The following ATRN variants were observed in gnomAD, a reference collection of about 807,000 sequenced individuals.
The protein encoded by ATRN is attractin-2.
In ATRN, 54 loss-of-function variants were observed where a neutral mutation model predicts 178.7. The observed-to-expected ratio is 0.30, with a 90% CI of 0.24 to 0.38. The LOEUF (loss-of-function observed/expected upper bound fraction) is 0.38. ATRN is among the 10% of genes least tolerant of loss of function. ATRN has a pLI of 1.00. For synonymous variants in ATRN, 636 were observed against 663.0 expected (o/e 0.96, Z 0.63); for missense variants, 1,443 against 1,815.1 (o/e 0.79, Z 3.73).
At chr20:3,497,388 C>T (rs1195412910) in intron 1 of ATRN, among the ~76,000 whole-genome samples, 14 of 152,058 alleles carry the variant, frequency 9.2e-5, no homozygotes, top group Admixed American at 7.9e-4. Context: ...ATTTGCTTGT[C>T]TGTGAAGGAT....
At chr20:3,543,109 A>C (rs2853224) in intron 3 of ATRN, among the ~76,000 whole-genome samples, 78,533 of 151,868 alleles carry the variant, frequency 0.52, 20,733 homozygotes, top group South Asian at 0.67. Context: ...CCTTCCTTTC[A>C]CCCTTTCTAA....
At chr20:3,553,160 C>G (rs2085813262) in intron 6 of ATRN, among the ~76,000 whole-genome samples, 1 of 151,990 alleles carries the variant, frequency 6.6e-6, no homozygotes, top group Admixed American at 6.6e-5. Context: ...GTGCTGCCAC[C>G]ATGAGAAGAG....
intron 3 of ATRN, among the ~76,000 whole-genome samples, chr20:3,542,473 GTT>G (rs35448704): frequency 5.3e-4 from 76 of 143,464 alleles, no homozygotes; most frequent in African/African-American, 1.5e-3. Context: ...TCCTTTTAGA[GTT>G]TTTTTTTTTT....
chr20:3,606,951 C>A (rs562044680), intron 24 of ATRN, among the ~76,000 whole-genome samples: 6 of 152,170 alleles, frequency 3.9e-5, no homozygotes, highest in Non-Finnish European at 7.3e-5. Flanking sequence ...CCTGTAAAAT[C>A]ATTTGATCCT....
intron 6 of ATRN, among the ~76,000 whole-genome samples, chr20:3,553,240 A>G (rs2085814595): frequency 1.3e-5 from 2 of 152,122 alleles, no homozygotes; most frequent in South Asian, 2.1e-4. Flanking sequence ...AAAGACACAT[A>G]TTTACCATTA....
intron 1 of ATRN, among the ~76,000 whole-genome samples, chr20:3,492,607 TATATC>T (rs896610147): frequency 5.3e-5 from 8 of 152,108 alleles, no homozygotes; most frequent in African/African-American, 1.9e-4. Flanking sequence ...TGATGGCAGT[TATATC>T]ATAAATTGTT....
At chr20:3,601,128 A>T (rs896952121) in intron 23 of ATRN, 104 bp downstream of exon 23, 1 of 996,222 alleles carries the variant, frequency 1.0e-6, no homozygotes, top group East Asian at 2.5e-5. Flanking sequence ...TTGGTTTGAA[A>T]CCCACCCTTG....
chr20:3,645,928 T>C lies in ATRN; in HGVS notation c.4166-795T>C, dbSNP rs1367631525. ...TAATGGATGTCAGATTACTCCGTTATCAATACAGGAAGGAAAATGGGATTG... is the reference window on the plus strand; with the variant it reads ...TAATGGATGTCAGATTACTCCGTTACCAATACAGGAAGGAAAATGGGATTG... On this transcript the variant is annotated intron_variant, in intron 28 of 28. Coordinates refer to ENST00000262919, the MANE Select transcript of ATRN (RefSeq NM_139321.3). This position sits in a 1 kb window ranked among gnomAD's most constrained non-coding sequence, Gnocchi z 4.7. 6.6e-6 allele frequency among the ~76,000 whole-genome samples: 1 copy of C among 152,110 alleles called. No individual in the cohort carries two copies. The highest frequency in any genetic ancestry group is 2.4e-5 in the African/African-American group (1 of 41,400).
intron 1 of ATRN, among the ~76,000 whole-genome samples, chr20:3,525,051 A>T (rs2085346108): frequency 6.6e-6 from 1 of 152,176 alleles, no homozygotes. Flanking sequence ...AATAATTAAG[A>T]TCAGAGCAGA....
Position 3,562,418 on chromosome 20 carries a change from T to A in ATRN, c.1590T>A (p.Leu530=), listed in dbSNP as rs1157714416. 6.2e-7 allele frequency: 1 copy of A among 1,614,082 alleles called. No individual in the cohort carries two copies. The highest frequency in any genetic ancestry group is 8.5e-7 in the Non-Finnish European group (1 of 1,180,036). The part of the protein sequence containing the change: ...YKAFSANKYR[L]ADDLYRYDVD... ...CTTTCAGTGCCAATAAGTACCGGCT[T>A]GCAGATGATCTCTACCGATATGATG... The change falls in exon 9 of 29, where the codon CTT becomes CTA. Residue 530 remains leucine (L), a synonymous_variant. Coordinates refer to ENST00000262919, the MANE Select transcript of ATRN (RefSeq NM_139321.3).
chr20:3,629,320 T>G, intron 25 of ATRN: 1 of 984,566 alleles, frequency 1.0e-6, no homozygotes, highest in Non-Finnish European at 1.2e-6. Flanking sequence ...TTTTCCATAT[T>G]CAGCTTGCAC....
chr20:3,639,027 C>T, intron 27 of ATRN, 92 bp downstream of exon 27: 1 of 871,994 alleles, frequency 1.1e-6, no homozygotes, highest in Non-Finnish European at 1.7e-6. Context: ...AGCCCTATTC[C>T]ATTACCTCCT....
At chr20:3,550,170 A>C (rs2085766467) in intron 6 of ATRN, among the ~76,000 whole-genome samples, 1 of 152,196 alleles carries the variant, frequency 6.6e-6, no homozygotes, top group Non-Finnish European at 1.5e-5. Context: ...TCTACTAAAA[A>C]TACAAAAATT....
At chr20:3,537,889 A>G (rs1251053472) in intron 2 of ATRN, among the ~76,000 whole-genome samples, 2 of 143,306 alleles carry the variant, frequency 1.4e-5, no homozygotes, top group Non-Finnish European at 3.1e-5. Flanking sequence ...TATGTGCCTC[A>G]TTTTCTTTAT....
intron 24 of ATRN, among the ~76,000 whole-genome samples, chr20:3,610,285 A>G (rs2074535135): frequency 2.0e-5 from 3 of 152,230 alleles, no homozygotes; most frequent in South Asian, 4.1e-4. Context: ...ACCCAATGTT[A>G]AGGCTTACTA....
intron 1 of ATRN, among the ~76,000 whole-genome samples, chr20:3,502,280 A>G (rs1187640899): frequency 1.3e-5 from 2 of 152,184 alleles, no homozygotes; most frequent in East Asian, 3.8e-4. Flanking sequence ...TACAAATAAG[A>G]TGGTATAGAC....
At chr20:3,639,966 A>G (rs907491696) in intron 27 of ATRN, among the ~76,000 whole-genome samples, 3 of 152,210 alleles carry the variant, frequency 2.0e-5, no homozygotes, top group Admixed American at 1.3e-4. Context: ...ACAGATCAAG[A>G]TGAAGTAATT....
rs1258394170 is a variant in ATRN, at chr20:3,609,710, A to ATGTGTG, written c.3801+5451_3801+5452insGTGTGT. On this transcript the variant is annotated intron_variant, in intron 24 of 28. Transcript: ENST00000262919. ...AATGGATAAACAAAATGTGGTATGT[A>ATGTGTG]TGTATGTGTGTGTGTGTGTGTGTGT... Among the ~76,000 whole-genome samples the ATGTGTG allele has an allele frequency of 4.1e-3, 475 of 117,266 alleles. 2 individuals carry two copies. The highest frequency in any genetic ancestry group is 0.012 in the Middle Eastern group (3 of 258). The allele number at this position is 117,266 out of a possible 152,430, so 76.9% of individuals were successfully genotyped here. A position where few individuals can be genotyped will look rare whatever the true frequency, so the allele number is the denominator to read the frequency against.
chr20:3,492,366 A>G (rs2084807032), intron 1 of ATRN, among the ~76,000 whole-genome samples: 1 of 152,160 alleles, frequency 6.6e-6, no homozygotes, highest in Non-Finnish European at 1.5e-5. Context: ...GGAGGAGTTC[A>G]GACTTCATTC....
Sources: gnomAD v4.1 joint callset for allele counts (sites outside exome capture counted in the v4.1 genomes callset) on GRCh38, gnomAD v4.1.1 for gene constraint, Gnocchi (gnomAD v3.1) non-coding constraint, MANE v1.5 for transcripts, NCBI Gene and HGNC (gene_info 2026-07-23, HGNC 2026-07-21) for gene names.